The following NKAIN3 variants were observed in gnomAD, a reference collection of about 807,000 sequenced individuals.
NKAIN3 encodes sodium/potassium-transporting ATPase subunit beta-1-interacting protein 3.
Under a neutral mutation model 30.2 loss-of-function variants are expected in NKAIN3, and 25 were observed. That is an observed-to-expected ratio of 0.83 (90% CI 0.60 to 1.16). The LOEUF (loss-of-function observed/expected upper bound fraction) is 1.16. Ranked by LOEUF, NKAIN3 falls within the 50% of genes most tolerant of loss-of-function variation. NKAIN3 has a pLI of 0.00. For synonymous variants in NKAIN3, 91 were observed against 89.6 expected (o/e 1.02, Z -0.09); for missense variants, 225 against 254.1 (o/e 0.89, Z 0.78).
In NKAIN3 at chr8:62,953,906, T is replaced by C; in HGVS notation, c.537T>C (p.Asp179=). 1 of 968,932 alleles carries C rather than the reference T, an allele frequency of 1.0e-6. No individual in the cohort carries two copies. The highest frequency in any genetic ancestry group is 1.2e-6 in the Non-Finnish European group (1 of 814,496). The allele number at this position is 968,932 out of a possible 1,614,324, so 60.0% of individuals were successfully genotyped here. The part of the protein sequence containing the change: ...SISMEEEDTF[D]FIGGLDTHSY... ...TGGCCTATGTTATATTTTCAGTTGA[T>C]TTCATAGGTGGACTTGATACACACT... The change falls in exon 6 of 7, where the codon GAT becomes GAC. Residue 179 remains aspartate, a synonymous_variant. Transcript: ENST00000623646.
chr8:62,477,389 A>G (rs1806555197), intron 1 of NKAIN3, among the ~76,000 whole-genome samples: 1 of 152,148 alleles, frequency 6.6e-6, no homozygotes, highest in South Asian at 2.1e-4. Context: ...TGAGTACTGT[A>G]GGCTTTCCCT....
intron 1 of NKAIN3, among the ~76,000 whole-genome samples, chr8:62,300,858 T>C (rs1288393179): frequency 1.3e-5 from 2 of 152,152 alleles, no homozygotes; most frequent in Non-Finnish European, 1.5e-5. Flanking sequence ...TGTGTGCCTT[T>C]CTTTTCTCCT....
chr8:62,301,244 A>G (rs992419486), intron 1 of NKAIN3, among the ~76,000 whole-genome samples: 2 of 152,126 alleles, frequency 1.3e-5, no homozygotes, highest in Non-Finnish European at 1.5e-5. Context: ...ATGTTATTTA[A>G]GGGAAACATC....
At chr8:62,463,027 G>A (rs942938747) in intron 1 of NKAIN3, among the ~76,000 whole-genome samples, 1 of 152,124 alleles carries the variant, frequency 6.6e-6, no homozygotes, top group Non-Finnish European at 1.5e-5. Context: ...ACCACATTTT[G>A]TAGGTTCAAA....
In NKAIN3 at chr8:62,973,418, G is replaced by T. The variant is rs1166318800; in HGVS notation, c.*8011G>T. ...TTGATTTGCATTTCTCTAATGACCA[G>T]TGATGATGAGATTTTTTTTTACGTT... On this transcript the variant is annotated 3_prime_UTR_variant, in exon 7 of 7. Transcript: ENST00000623646. Among the ~76,000 whole-genome samples, 1 of 151,314 alleles carries T rather than the reference G, an allele frequency of 6.6e-6. No homozygotes were observed. Among genetic ancestry groups the T allele is most frequent in the Admixed American group, 6.7e-5 (1 of 15,000 alleles).
At chr8:62,765,450 T>A (rs1474668966) in intron 4 of NKAIN3, among the ~76,000 whole-genome samples, 1 of 152,086 alleles carries the variant, frequency 6.6e-6, no homozygotes, top group African/African-American at 2.4e-5. Context: ...GGAAAGGACC[T>A]GCCTAAGCAG....
intron 3 of NKAIN3, among the ~76,000 whole-genome samples, chr8:62,650,590 T>A (rs1812592807): frequency 6.6e-6 from 1 of 152,200 alleles, no homozygotes; most frequent in Non-Finnish European, 1.5e-5. Flanking sequence ...GTGGATCTCA[T>A]TTCATAAGTA....
chr8:62,912,765 C>T (rs572556904), intron 4 of NKAIN3, among the ~76,000 whole-genome samples: 1 of 151,972 alleles, frequency 6.6e-6, no homozygotes, highest in Admixed American at 6.5e-5. Flanking sequence ...CACAATTCGC[C>T]AGGCATGGTG....
At chr8:62,829,084 A>G (rs1819115203) in intron 4 of NKAIN3, among the ~76,000 whole-genome samples, 1 of 152,218 alleles carries the variant, frequency 6.6e-6, no homozygotes, top group African/African-American at 2.4e-5. Flanking sequence ...TGTTTGATAG[A>G]TAATATAATA....
intron 1 of NKAIN3, among the ~76,000 whole-genome samples, chr8:62,466,478 C>T (rs1489402991): frequency 6.6e-6 from 1 of 152,104 alleles, no homozygotes; most frequent in Non-Finnish European, 1.5e-5. Flanking sequence ...TGCAAATGAG[C>T]CATATGCATC....
intron 1 of NKAIN3, among the ~76,000 whole-genome samples, chr8:62,414,846 A>C (rs1239473134): frequency 2.6e-5 from 4 of 151,554 alleles, no homozygotes; most frequent in African/African-American, 9.7e-5. Context: ...AATAATTTGT[A>C]AATATTATCA....
chr8:62,771,073 TCAGA>T (rs71255360), intron 4 of NKAIN3, among the ~76,000 whole-genome samples: 76,912 of 151,728 alleles, frequency 0.51, 22,570 homozygotes, highest in Non-Finnish European at 0.67. Context: ...GTACATTTTA[TCAGA>T]CAAAGACTTC....
At chr8:62,960,724 G>A (rs913782363) in intron 6 of NKAIN3, among the ~76,000 whole-genome samples, 51 of 97,250 alleles carry the variant, frequency 5.2e-4, no homozygotes, top group African/African-American at 2.5e-3. Context: ...TACACAATAC[G>A]CAGGAAAAAA....
rs915872370 is a variant in NKAIN3, at chr8:62,974,151, C to A, written c.*8744C>A. 6.6e-6 allele frequency among the ~76,000 whole-genome samples: 1 copy of A among 151,968 alleles called. No homozygotes were observed. Among genetic ancestry groups the A allele is most frequent in the Non-Finnish European group, 1.5e-5 (1 of 67,986 alleles). On this transcript the variant is annotated 3_prime_UTR_variant, in exon 7 of 7. Transcript: ENST00000623646. ...TAGGATTGTTTTGGCTATATGGGCT[C>A]TTTTTGGTTCCCTATGAAATTTAAA...
chr8:62,543,621 G>A (rs1296930060), intron 1 of NKAIN3, among the ~76,000 whole-genome samples: 3 of 152,070 alleles, frequency 2.0e-5, no homozygotes, highest in South Asian at 2.1e-4. Flanking sequence ...CATGGGTACC[G>A]TACTCTTAGC....
intron 3 of NKAIN3, among the ~76,000 whole-genome samples, chr8:62,617,824 T>C (rs1322490831): frequency 6.6e-6 from 1 of 152,158 alleles, no homozygotes; most frequent in Non-Finnish European, 1.5e-5. Flanking sequence ...CATACCTTCT[T>C]GTCCTCCCCC....
intron 1 of NKAIN3, among the ~76,000 whole-genome samples, chr8:62,473,582 A>G (rs1383627059): frequency 6.6e-6 from 1 of 152,214 alleles, no homozygotes; most frequent in Non-Finnish European, 1.5e-5. Flanking sequence ...GGAGCTTATA[A>G]AGAATCTTTC....
chr8:62,284,850 C>T (rs1813324531), intron 1 of NKAIN3, among the ~76,000 whole-genome samples: 1 of 152,040 alleles, frequency 6.6e-6, no homozygotes, highest in Admixed American at 6.6e-5. Context: ...AACAAGAATT[C>T]CTGGGTAACT....
chr8:62,848,724 G>A (rs1367409640), intron 4 of NKAIN3, among the ~76,000 whole-genome samples: 10 of 152,148 alleles, frequency 6.6e-5, no homozygotes, highest in Non-Finnish European at 8.8e-5. Context: ...AGTGGTGAGA[G>A]AGGGCAAACT....
Sources: allele counts gnomAD v4.1 joint callset (sites outside exome capture counted in the v4.1 genomes callset), GRCh38; gene constraint gnomAD v4.1.1; transcripts MANE v1.5; gene names NCBI Gene and HGNC (gene_info 2026-07-23, HGNC 2026-07-21).